Variants in NRXN1 observed in about 807,000 individuals in gnomAD.
The protein encoded by NRXN1 is neurexin 1.
Under a neutral mutation model 150.9 loss-of-function variants are expected in NRXN1, and 39 were observed. The observed-to-expected ratio is 0.26, with a 90% CI of 0.20 to 0.34. The LOEUF (loss-of-function observed/expected upper bound fraction) is 0.34. Among genes scored for constraint, NRXN1 ranks in the 10% least tolerant of loss-of-function variants. The pLI, the probability that NRXN1 is intolerant of heterozygous loss-of-function variation, is 1.00. For missense variants in NRXN1, 1,815 were observed against 1,949.9 expected (o/e 0.93, Z 1.30); for synonymous variants, 924 against 757.0 (o/e 1.22, Z -3.62).
At chr2:50,333,041 GT>G (rs532061386) in intron 17 of NRXN1, among the ~76,000 whole-genome samples, 1 of 152,094 alleles carries the variant, frequency 6.6e-6, no homozygotes, top group Non-Finnish European at 1.5e-5. Flanking sequence ...AATCCATTTT[GT>G]TTTTTTCTAC....
chr2:50,384,003 G>A (rs1276733136), intron 17 of NRXN1, among the ~76,000 whole-genome samples: 1 of 152,146 alleles, frequency 6.6e-6, no homozygotes, highest in Non-Finnish European at 1.5e-5. Context: ...AGATTTTGAA[G>A]AGAAGAAAGT....
intron 19 of NRXN1, among the ~76,000 whole-genome samples, chr2:50,078,565 C>G (rs1357473714): frequency 6.6e-6 from 1 of 152,056 alleles, no homozygotes; most frequent in African/African-American, 2.4e-5. Context: ...ATTGCAGGAT[C>G]TAACCCAGCT....
At chr2:51,023,101 C>T (rs574465362) in intron 2 of NRXN1, among the ~76,000 whole-genome samples, 1 of 152,260 alleles carries the variant, frequency 6.6e-6, no homozygotes, top group South Asian at 2.1e-4. Context: ...TATTTTTCCC[C>T]TAGTTTAATC....
intron 8 of NRXN1, among the ~76,000 whole-genome samples, chr2:50,559,728 C>G (rs1668772790): frequency 6.6e-6 from 1 of 152,044 alleles, no homozygotes; most frequent in Non-Finnish European, 1.5e-5. Context: ...TATGGTATAT[C>G]TCTCAACAGA....
chr2:50,162,830 C>T (rs986299715), intron 18 of NRXN1, among the ~76,000 whole-genome samples: 1 of 151,632 alleles, frequency 6.6e-6, no homozygotes, highest in Admixed American at 6.6e-5. Flanking sequence ...TTTCATTTTC[C>T]AAATAAATTA....
intron 17 of NRXN1, among the ~76,000 whole-genome samples, chr2:50,270,744 A>C (rs965802293): frequency 2.0e-5 from 3 of 150,810 alleles, no homozygotes; most frequent in African/African-American, 4.9e-5. Context: ...ATCTCAGCTC[A>C]CTGCAACCTC....
chr2:50,242,890 A>G (rs2066150021), intron 17 of NRXN1, among the ~76,000 whole-genome samples: 1 of 151,808 alleles, frequency 6.6e-6, no homozygotes. Context: ...AAATGAAAGA[A>G]GGCAAGAAAC....
intron 17 of NRXN1, among the ~76,000 whole-genome samples, chr2:50,364,483 C>A (rs74367977): frequency 0.025 from 3,786 of 152,186 alleles, 134 homozygotes; most frequent in African/African-American, 0.086. Flanking sequence ...TATAAAACAG[C>A]TACAAATAAG....
chr2:50,733,772 CA>C (rs1463748694), intron 5 of NRXN1, among the ~76,000 whole-genome samples: 2 of 151,952 alleles, frequency 1.3e-5, no homozygotes, highest in Admixed American at 1.3e-4. Flanking sequence ...AATCAATTTT[CA>C]AAAAGTTTAC....
intron 5 of NRXN1, among the ~76,000 whole-genome samples, chr2:50,688,959 G>A (rs1412424807): frequency 1.3e-5 from 2 of 152,042 alleles, no homozygotes; most frequent in African/African-American, 4.8e-5. Flanking sequence ...CATTTAAGTG[G>A]ATTCTTTTTC....
Position 50,601,573 on chromosome 2 carries a change from G to A in NRXN1, c.1320+18449C>T, listed in dbSNP as rs74669952. Among the ~76,000 whole-genome samples, 1,181 of 152,250 alleles carry A rather than the reference G, an allele frequency of 7.8e-3. 14 individuals are homozygous for A. The highest frequency in any genetic ancestry group is 0.027 in the African/African-American group (1,111 of 41,562). On this transcript the variant is annotated intron_variant, in intron 8 of 22. Coordinates refer to ENST00000401669, the MANE Select transcript of NRXN1 (RefSeq NM_001330078.2). ...AAGATATCCAAAATGTTCACCCTTGGCAAGCGATGGATGGGAAGAGTGGTG... is the reference window on the plus strand; with the variant it reads ...AAGATATCCAAAATGTTCACCCTTGACAAGCGATGGATGGGAAGAGTGGTG...
At chr2:50,836,677 T>A (rs557522868) in intron 5 of NRXN1, among the ~76,000 whole-genome samples, 1 of 152,194 alleles carries the variant, frequency 6.6e-6, no homozygotes, top group African/African-American at 2.4e-5. Flanking sequence ...TGAATAGTAT[T>A]TCATTATGCA....
chr2:51,011,613 C>T (rs1453879216), intron 2 of NRXN1, among the ~76,000 whole-genome samples: 2 of 151,862 alleles, frequency 1.3e-5, no homozygotes, highest in African/African-American at 4.8e-5. Flanking sequence ...GAAAGAACCC[C>T]AAGACATGTG....
intron 5 of NRXN1, among the ~76,000 whole-genome samples, chr2:50,750,016 C>A (rs1700409019): frequency 6.6e-6 from 1 of 152,014 alleles, no homozygotes; most frequent in Non-Finnish European, 1.5e-5. Context: ...CGCTGACAAC[C>A]ACAGTTAGCA....
chr2:50,842,447 A>G (rs941070002), intron 5 of NRXN1, among the ~76,000 whole-genome samples: 1 of 152,198 alleles, frequency 6.6e-6, no homozygotes, highest in Non-Finnish European at 1.5e-5. Flanking sequence ...ATTTGACTCT[A>G]TAAGGAAACC....
chr2:50,038,749 T>TCCTC (rs1254450133), intron 21 of NRXN1, among the ~76,000 whole-genome samples: 3 of 143,602 alleles, frequency 2.1e-5, no homozygotes, highest in East Asian at 4.2e-4. Context: ...CTCCCTCTCT[T>TCCTC]CCTCCCTCCC....
At chr2:50,557,976 A>G (rs1179401516) in intron 8 of NRXN1, among the ~76,000 whole-genome samples, 1 of 152,154 alleles carries the variant, frequency 6.6e-6, no homozygotes, top group Non-Finnish European at 1.5e-5. Context: ...TAGAAAATAT[A>G]CACAGCAGGC....
intron 5 of NRXN1, among the ~76,000 whole-genome samples, chr2:50,661,984 T>G (rs1009424296): frequency 2.0e-5 from 3 of 152,012 alleles, no homozygotes; most frequent in African/African-American, 7.2e-5. Context: ...TATTATTCCT[T>G]AAGGCCTTCA....
At chr2:50,042,188 G>A (rs556596552) in intron 21 of NRXN1, among the ~76,000 whole-genome samples, 7 of 152,140 alleles carry the variant, frequency 4.6e-5, no homozygotes, top group African/African-American at 1.7e-4. Flanking sequence ...TGCAAATATT[G>A]ATTAATCTAG....
Sources: allele counts gnomAD v4.1 joint callset (sites outside exome capture counted in the v4.1 genomes callset), GRCh38; gene constraint gnomAD v4.1.1; transcripts MANE v1.5; gene names NCBI Gene and HGNC (gene_info 2026-07-23, HGNC 2026-07-21).